Variants in ECD observed in about 807,000 individuals in gnomAD.
ECD encodes ecdysoneless cell cycle regulator.
In ECD, 59 loss-of-function variants were observed where a neutral mutation model predicts 77.2. The observed-to-expected ratio is 0.76, with a 90% CI of 0.62 to 0.95. The LOEUF (loss-of-function observed/expected upper bound fraction) is 0.95, where lower values mean the gene tolerates loss of function less well. ECD is among the 40% of genes least tolerant of loss of function. The pLI is 0.00. For synonymous variants in ECD, 233 were observed against 267.4 expected, an observed-to-expected ratio of 0.87 and a Z score of 1.26; for missense variants, 704 against 763.4, an observed-to-expected ratio of 0.92 and a Z score of 0.92.
intron 8 of ECD, among the ~76,000 whole-genome samples, chr10:73,146,972 T>A (rs1313037090): frequency 5.3e-5 from 8 of 152,138 alleles, no homozygotes; most frequent in Non-Finnish European, 1.0e-4. Flanking sequence ...GCACTGTGGC[T>A]CATGCCTATA....
At chr10:73,152,778 G>A (rs1843230682) in intron 6 of ECD, among the ~76,000 whole-genome samples, 1 of 152,022 alleles carries the variant, frequency 6.6e-6, no homozygotes, top group African/African-American at 2.4e-5. Flanking sequence ...CAGGCATGGT[G>A]GCGCACGCCT....
rs1299476607 is a variant in ECD, at chr10:73,134,570, C to A, written c.*13G>T. On this transcript the variant is annotated 3_prime_UTR_variant, in exon 14 of 14. Transcript: ENST00000372979. ...TTTATTTAAAAAGAAAAAAGAGAAG[C>A]TAAATGTGCTGGTTAATTTTTTGTT... 1 of 1,604,576 alleles carries A rather than the reference C, an allele frequency of 6.2e-7. No individual in the cohort carries two copies. The highest frequency in any genetic ancestry group is 8.5e-7 in the Non-Finnish European group (1 of 1,172,386).
At chr10:73,138,728 G>A (rs551124806) in intron 11 of ECD, among the ~76,000 whole-genome samples, 6 of 152,116 alleles carry the variant, frequency 3.9e-5, no homozygotes, top group Middle Eastern at 3.4e-3. Flanking sequence ...CACCATACCC[G>A]GCTAATTTTT....
intron 3 of ECD, among the ~76,000 whole-genome samples, chr10:73,157,709 C>A (rs1350842968): frequency 6.7e-6 from 1 of 148,466 alleles, no homozygotes; most frequent in African/African-American, 2.5e-5. Flanking sequence ...GCAACAAGAG[C>A]GAAACTCCAT....
intron 3 of ECD, 130 bp from the exon 4 acceptor site, chr10:73,156,785 T>C (rs1272560856): frequency 4.0e-6 from 3 of 756,704 alleles, no homozygotes; most frequent in Non-Finnish European, 6.4e-6. Flanking sequence ...TGCAGATGGC[T>C]ATAAGAAAGC....
chr10:73,141,764 G>C (rs889086071), intron 9 of ECD, among the ~76,000 whole-genome samples: 1 of 152,128 alleles, frequency 6.6e-6, no homozygotes, highest in Non-Finnish European at 1.5e-5. Context: ...TAATAATACA[G>C]AGTAGAGACA....
At position 73,150,017 on chromosome 10, in the gene ECD, A is replaced by C. The variant is rs868640200; in HGVS notation, c.913-1613T>G. Among the ~76,000 whole-genome samples the C allele has an allele frequency of 3.9e-5, 6 of 152,268 alleles. 1 individual carries two copies. In the Middle Eastern group the frequency reaches 0.017, roughly 432 times the overall value. ...TGACTTTCTTCACAGAATTGGAAAAAAACTACTTTAAAGTTCATATAGAAC... is the reference window on the plus strand; with the variant it reads ...TGACTTTCTTCACAGAATTGGAAAACAACTACTTTAAAGTTCATATAGAAC... On this transcript the variant is annotated intron_variant, in intron 7 of 13. Transcript: ENST00000372979.
intron 13 of ECD, among the ~76,000 whole-genome samples, chr10:73,135,456 T>C (rs559516557): frequency 8.5e-5 from 13 of 152,122 alleles, no homozygotes; most frequent in Admixed American, 2.6e-4. Flanking sequence ...TGGTCGCTCA[T>C]GCCTGTAATC....
At chr10:73,156,708 A>C in intron 3 of ECD, 53 bp from the exon 4 acceptor site, 2 of 1,476,716 alleles carry the variant, frequency 1.4e-6, no homozygotes, top group South Asian at 2.3e-5. Context: ...ATCTGCTAGT[A>C]ACCAAAACAG....
rs748249410 is a variant in ECD at position 73,139,681 on chromosome 10, A to T, written c.1184T>A (p.Phe395Tyr). ...TTCTTTCTTAAGGTCTTCTATATCAAATGGTATTGTCTGTAATAAGGTTAA... is the reference window on the plus strand; with the variant it reads ...TTCTTTCTTAAGGTCTTCTATATCATATGGTATTGTCTGTAATAAGGTTAA... Reference protein sequence around the residue: ...EILTLLQTIPFDIEDLKKEAA... With the variant: ...EILTLLQTIPYDIEDLKKEAA... The change falls in exon 10 of 14, where the codon TTT becomes TAT. Residue 395 changes from phenylalanine to tyrosine, a missense_variant. Transcript: ENST00000372979. 6.2e-7 allele frequency: 1 copy of T among 1,612,378 alleles called. No homozygotes were observed. Among genetic ancestry groups the T allele is most frequent in the South Asian group, 1.1e-5 (1 of 90,684 alleles).
intron 7 of ECD, 141 bp downstream of exon 7, chr10:73,152,152 T>C (rs2133262464): frequency 1.9e-6 from 2 of 1,073,652 alleles, no homozygotes; most frequent in East Asian, 5.5e-5. Context: ...TCCATTTTTT[T>C]CATTCTAATT....
intron 8 of ECD, 92 bp downstream of exon 8, chr10:73,148,184 C>A: frequency 1.4e-6 from 2 of 1,456,464 alleles, no homozygotes; most frequent in Non-Finnish European, 1.8e-6. Context: ...ATAATTATGT[C>A]ATACATTTAA....
chr10:73,138,711 C>T (rs1384413693), intron 11 of ECD, among the ~76,000 whole-genome samples: 1 of 152,046 alleles, frequency 6.6e-6, no homozygotes, highest in African/African-American at 2.4e-5. Flanking sequence ...GGATTATAGG[C>T]GTGCGCCACC....
rs1348459999 is a variant in ECD, at chr10:73,152,319, G to C, written c.886C>G (p.Arg296Gly). The change falls in exon 7 of 14, where the codon CGA becomes GGA. Residue 296 changes from arginine to glycine, a missense_variant. Arg to Gly is a moderately radical substitution (Grantham distance 125). Around this residue, in one of 3 missense-constraint regions of ECD, gnomAD observed 559 missense variants for 583.7 expected, o/e 0.96. Transcript: ENST00000372979. ...RLPPPSDPQYRAHELGMKLAH... is the reference protein window; with the variant it reads ...RLPPPSDPQYGAHELGMKLAH... The stretch of plus-strand genomic sequence containing the variant: ...AATTTCATGCCCAATTCATGGGCTC[G>C]GTACTGGGGATCAGATGGAGGAGGC... 1.9e-6 allele frequency: 3 copies of C among 1,613,594 alleles called. No homozygotes were observed. Among genetic ancestry groups the C allele is most frequent in the Non-Finnish European group, 1.7e-6 (2 of 1,179,700 alleles).
intron 7 of ECD, among the ~76,000 whole-genome samples, chr10:73,149,392 AC>A (rs1843172381): frequency 6.6e-6 from 1 of 152,168 alleles, no homozygotes; most frequent in South Asian, 2.1e-4. Context: ...TAGAAACCTT[AC>A]TTACAATTTT....
chr10:73,139,851 T>TTTG, intron 9 of ECD, 114 bp from the exon 10 acceptor site: 6 of 354,288 alleles, frequency 1.7e-5, no homozygotes, highest in South Asian at 1.1e-4. Context: ...TGGGGAGTGT[T>TTTG]TTTTTTTTTT....
intron 2 of ECD, among the ~76,000 whole-genome samples, chr10:73,162,736 C>T (rs1302156661): frequency 6.6e-6 from 1 of 152,130 alleles, no homozygotes; most frequent in Non-Finnish European, 1.5e-5. Context: ...GACTTGGTCA[C>T]CTACCCATGA....
At chr10:73,148,451 GTATCTTATTATAACACAT>G (rs764621836) in intron 7 of ECD, 47 bp from the exon 8 acceptor site, 2 of 1,596,550 alleles carry the variant, frequency 1.3e-6, no homozygotes, top group Non-Finnish European at 1.7e-6. Context: ...CTTTTTTCCC[GTATCTTATTATAACACAT>G]TACTTTTTTT....
At chr10:73,157,075 A>T (rs1195953644) in intron 3 of ECD, among the ~76,000 whole-genome samples, 1 of 151,098 alleles carries the variant, frequency 6.6e-6, no homozygotes, top group Non-Finnish European at 1.5e-5. Flanking sequence ...TTGGAGACGG[A>T]GTCTCGCTCT....
Sources: gnomAD v4.1 joint callset for allele counts (sites outside exome capture counted in the v4.1 genomes callset) on GRCh38, gnomAD v4.1.1 for gene constraint, gnomAD v4.1.1 regional missense constraint, MANE v1.5 for transcripts, NCBI Gene and HGNC (gene_info 2026-07-23, HGNC 2026-07-21) for gene names.